The following CDK5RAP2 variants were observed in gnomAD, a reference collection of about 807,000 sequenced individuals.
CDK5RAP2 encodes the protein CDK5 regulatory subunit-associated protein 2.
CDK5RAP2 carries 147 observed loss-of-function variants against 232.9 expected under a neutral mutation model. The observed-to-expected ratio is 0.63, with a 90% CI of 0.55 to 0.72. The LOEUF (loss-of-function observed/expected upper bound fraction) is 0.72, where lower values mean the gene tolerates loss of function less well. Ranked by LOEUF, CDK5RAP2 falls within the 30% of genes least tolerant of loss-of-function variation. The pLI is 0.00. For missense variants in CDK5RAP2, 2,195 were observed against 2,231.5 expected (o/e 0.98, Z 0.33); for synonymous variants, 833 against 833.7 (o/e 1.00, Z 0.01).
intron 21 of CDK5RAP2, among the ~76,000 whole-genome samples, chr9:120,448,780 G>A (rs914668367): frequency 6.6e-6 from 1 of 151,862 alleles, no homozygotes; most frequent in African/African-American, 2.4e-5. Context: ...CTTTATTCTT[G>A]CCACCCACTT....
chr9:120,518,746 A>G (rs1482147516), intron 11 of CDK5RAP2, 101 bp from the exon 12 acceptor site: 6 of 887,676 alleles, frequency 6.8e-6, no homozygotes, highest in Non-Finnish European at 1.1e-5. Flanking sequence ...AAAAAAGAAA[A>G]GAAAAAGATT....
chr9:120,570,105 G>C (rs2132191318), intron 2 of CDK5RAP2, among the ~76,000 whole-genome samples: 1 of 152,164 alleles, frequency 6.6e-6, no homozygotes, highest in Middle Eastern at 3.4e-3. Context: ...AGGAAGGAGA[G>C]ACAGCCCAGG....
intron 12 of CDK5RAP2, among the ~76,000 whole-genome samples, chr9:120,515,727 T>G (rs2040305980): frequency 6.6e-6 from 1 of 152,170 alleles, no homozygotes; most frequent in Admixed American, 6.5e-5. Flanking sequence ...CAGACACTTC[T>G]CAAAAGAAGA....
At chr9:120,523,011 T>C (rs539453420) in intron 11 of CDK5RAP2, among the ~76,000 whole-genome samples, 1 of 152,330 alleles carries the variant, frequency 6.6e-6, no homozygotes, top group African/African-American at 2.4e-5. Context: ...GTTCAAGTCC[T>C]GCAAAAACTC....
chr9:120,501,650 A>C (rs1287287103), intron 12 of CDK5RAP2, among the ~76,000 whole-genome samples: 1 of 152,160 alleles, frequency 6.6e-6, no homozygotes, highest in Non-Finnish European at 1.5e-5. Context: ...AATACGGCAG[A>C]AGTGACACTA....
intron 25 of CDK5RAP2, among the ~76,000 whole-genome samples, chr9:120,428,772 C>T (rs1226271530): frequency 2.6e-5 from 4 of 152,270 alleles, no homozygotes; most frequent in South Asian, 4.1e-4. Flanking sequence ...CCAGCATCAT[C>T]CTGATACCAA....
chr9:120,523,869 G>A (rs1441020417), intron 11 of CDK5RAP2, among the ~76,000 whole-genome samples: 1 of 152,152 alleles, frequency 6.6e-6, no homozygotes, highest in Non-Finnish European at 1.5e-5. Flanking sequence ...GGAAGAAAGA[G>A]GGGCTGACCA....
chr9:120,512,119 T>C (rs549885967), intron 12 of CDK5RAP2, among the ~76,000 whole-genome samples: 2 of 152,034 alleles, frequency 1.3e-5, no homozygotes, highest in African/African-American at 2.4e-5. Flanking sequence ...GAGGCCAAGG[T>C]AGAAGGATTG....
chr9:120,472,132 G>A (rs900933100), intron 15 of CDK5RAP2, among the ~76,000 whole-genome samples: 1 of 152,132 alleles, frequency 6.6e-6, no homozygotes, highest in African/African-American at 2.4e-5. Flanking sequence ...AATTTACATG[G>A]CTGAAATAAT....
chr9:120,487,449 A>G lies in CDK5RAP2; in HGVS notation c.1483-12T>C. ...TTTTCATTGAATTTCTAATGAAATA[A>G]AACAAATTCTAAGGAAATTGTCATC... On this transcript the variant is annotated splice_polypyrimidine_tract_variant and intron_variant, in intron 13 of 37. Coordinates refer to ENST00000349780, the MANE Select transcript of CDK5RAP2 (RefSeq NM_018249.6). 1 of 1,587,942 alleles carries G rather than the reference A, an allele frequency of 6.3e-7. No homozygotes were observed. The highest frequency in any genetic ancestry group is 8.6e-7 in the Non-Finnish European group (1 of 1,165,450).
chr9:120,579,679 T>C (rs1196778212), intron 1 of CDK5RAP2, among the ~76,000 whole-genome samples: 2 of 152,196 alleles, frequency 1.3e-5, no homozygotes, highest in East Asian at 3.9e-4. Context: ...TTACCTGTTC[T>C]TCACACGCTC....
At chr9:120,562,527 C>G (rs116210056) in intron 3 of CDK5RAP2, among the ~76,000 whole-genome samples, 71 of 152,246 alleles carry the variant, frequency 4.7e-4, no homozygotes, top group African/African-American at 1.5e-3. Context: ...CTATGACACT[C>G]GCTCTGCCAG....
chr9:120,397,168 A>AATTTTTGCTTG (rs1472112315), intron 35 of CDK5RAP2, among the ~76,000 whole-genome samples: 1 of 152,146 alleles, frequency 6.6e-6, no homozygotes, highest in Non-Finnish European at 1.5e-5. Context: ...CGGGGACAGG[A>AATTTTTGCTTG]ATTTTTGCTT....
At chr9:120,428,094 C>T (rs936163303) in intron 25 of CDK5RAP2, among the ~76,000 whole-genome samples, 13 of 152,094 alleles carry the variant, frequency 8.5e-5, no homozygotes, top group African/African-American at 3.1e-4. Flanking sequence ...ATCTCTGGGA[C>T]ACATTCAAAG....
At chr9:120,425,084 G>T (rs1214104879) in intron 25 of CDK5RAP2, among the ~76,000 whole-genome samples, 1 of 151,982 alleles carries the variant, frequency 6.6e-6, no homozygotes, top group African/African-American at 2.4e-5. Context: ...TAAGCATTCC[G>T]GGTCTCCAGA....
intron 25 of CDK5RAP2, among the ~76,000 whole-genome samples, chr9:120,434,155 G>C (rs1169173506): frequency 2.0e-5 from 3 of 152,192 alleles, no homozygotes; most frequent in Admixed American, 2.0e-4. Flanking sequence ...TGATAGGCAG[G>C]GGTGCCTTGC....
chr9:120,554,634 T>TTTGTTG (rs369609019), intron 3 of CDK5RAP2, among the ~76,000 whole-genome samples: 2 of 152,084 alleles, frequency 1.3e-5, no homozygotes, highest in Admixed American at 1.3e-4. Flanking sequence ...TTTTGTTTTT[T>TTTGTTG]TTGTTGTTGT....
chr9:120,453,729 G>T lies in CDK5RAP2; in HGVS notation c.2520C>A (p.Asn840Lys). The change falls in exon 21 of 38, where the codon AAC becomes AAA. Residue 840 changes from asparagine (N) to lysine (K), a missense_variant. Asn to Lys is a moderately conservative substitution (Grantham distance 94, BLOSUM62 0). Transcript: ENST00000349780. ...KGELVHFVQT[N>K]SFSKPHDELK... ...GTTCATCATGTGGCTTGGAAAATGA[G>T]TTGGTTTGGACAAAATGTACAAGTT... The T allele has an allele frequency of 6.2e-7, 1 of 1,614,224 alleles. No individual in the cohort carries two copies. The highest frequency in any genetic ancestry group is 8.5e-7 in the Non-Finnish European group (1 of 1,180,040).
At chr9:120,541,838 C>T (rs1350473748) in intron 5 of CDK5RAP2, among the ~76,000 whole-genome samples, 3 of 152,190 alleles carry the variant, frequency 2.0e-5, no homozygotes, top group Admixed American at 6.5e-5. Context: ...CTCCCTCCCT[C>T]GACCCTTTCT....
Sources: gnomAD v4.1 joint callset for allele counts (sites outside exome capture counted in the v4.1 genomes callset) on GRCh38, gnomAD v4.1.1 for gene constraint, MANE v1.5 for transcripts, NCBI Gene and HGNC (gene_info 2026-07-23, HGNC 2026-07-21) for gene names.